The following FES variants were observed in gnomAD, a reference collection of about 807,000 sequenced individuals.
The protein encoded by FES is FES proto-oncogene, tyrosine kinase.
A neutral mutation model predicts 109.6 loss-of-function variants in FES; 83 were observed. That is an observed-to-expected ratio of 0.76 (90% CI 0.63 to 0.91). The LOEUF (loss-of-function observed/expected upper bound fraction) is 0.91, where lower values mean the gene tolerates loss of function less well. Ranked by LOEUF, FES falls within the 40% of genes least tolerant of loss-of-function variation. FES has a pLI of 0.00. For synonymous variants in FES, 458 were observed against 442.1 expected (o/e 1.04, Z -0.45); for missense variants, 943 against 1,070.9 (o/e 0.88, Z 1.67).
rs2033231474 is a variant in FES, at chr15:90,891,687, A to T, written c.1653+11A>T. The T allele has an allele frequency of 3.7e-6, 6 of 1,613,174 alleles. No homozygotes were observed. The highest frequency in any genetic ancestry group is 1.7e-5 in the Admixed American group (1 of 60,008). On this transcript the variant is annotated intron_variant, in intron 12 of 18. Coordinates refer to ENST00000328850, the MANE Select transcript of FES (RefSeq NM_002005.4). Reference sequence around the variant, plus strand: ...AGGGCTGTGCCCAAGGTGAGCCTGCACCCAGCCTGGCCCATGCCACCTGTG... The same window carrying T: ...AGGGCTGTGCCCAAGGTGAGCCTGCTCCCAGCCTGGCCCATGCCACCTGTG...
intron 2 of FES, 45 bp downstream of exon 2, chr15:90,885,303 TCTC>T: frequency 1.9e-6 from 3 of 1,601,148 alleles, no homozygotes; most frequent in South Asian, 1.1e-5. Context: ...GTATCTGCCT[TCTC>T]CTTCCTCTCC....
intron 13 of FES, 90 bp from the exon 14 acceptor site, chr15:90,892,617 C>A: frequency 1.5e-6 from 2 of 1,347,618 alleles, no homozygotes; most frequent in Non-Finnish European, 2.1e-6. Context: ...GGGGGCCCCT[C>A]ACCCAGGGGT....
rs542339387 is a variant in FES at position 90,888,926 on chromosome 15, C to T, written c.669-380C>T. On this transcript the variant is annotated intron_variant, in intron 5 of 18. Coordinates refer to ENST00000328850, the MANE Select transcript of FES (RefSeq NM_002005.4). Reference sequence around the variant, plus strand: ...CCGAGTAGCCAAGTAGCTGGGACTACAGGCATGTGCCACCATGCCTGGCTA... The same window carrying T: ...CCGAGTAGCCAAGTAGCTGGGACTATAGGCATGTGCCACCATGCCTGGCTA... Among the ~76,000 whole-genome samples, 75 of 152,218 alleles carry T rather than the reference C, an allele frequency of 4.9e-4. 1 individual carries two copies. The South Asian group carries it at 0.014, about 28-fold the overall frequency.
chr15:90,895,074 GA>G (rs999890882), intron 18 of FES, among the ~76,000 whole-genome samples: 73 of 145,314 alleles, frequency 5.0e-4, no homozygotes, highest in East Asian at 2.4e-3. Flanking sequence ...CTCAGAAAAA[GA>G]AAAAAAAAAA....
At chr15:90,887,093 G>T (rs770268813) in intron 4 of FES, 36 bp downstream of exon 4, 3 of 1,613,520 alleles carry the variant, frequency 1.9e-6, no homozygotes, top group Admixed American at 3.3e-5. Flanking sequence ...GAGGGAATCC[G>T]AAGCCAGTGC....
chr15:90,895,398 C>A lies in FES; in HGVS notation c.2327-18C>A. ...AAACTCCCTCCTCATGCCTGGTGTG[C>A]TGTGCCTCTCCTCACAGGGGGCCGT... On this transcript the variant is annotated intron_variant, in intron 18 of 18. Transcript: ENST00000328850. The A allele has an allele frequency of 6.6e-7, 1 of 1,509,450 alleles. No individual in the cohort carries two copies. The highest frequency in any genetic ancestry group is 1.3e-5 in the South Asian group (1 of 77,086). The allele number at this position is 1,509,450 out of a possible 1,614,324, so 93.5% of individuals were successfully genotyped here.
chr15:90,893,526 T>C, intron 16 of FES, 112 bp downstream of exon 16: 1 of 1,489,958 alleles, frequency 6.7e-7, no homozygotes, highest in Non-Finnish European at 8.9e-7. Flanking sequence ...AGAGGGGGAG[T>C]TGGCCTCTGT....
chr15:90,891,089 C>G lies in FES; in HGVS notation c.1428C>G (p.His476Gln). Residue 476 changes from histidine to glutamine, a missense_variant, in exon 11 of 19, where the codon CAC becomes CAG. By Grantham distance (24) the His-to-Gln change is conservative. Transcript: ENST00000328850. Reference protein sequence around the residue: ...PRAEVAELLVHSGDFLVRESQ... With the variant: ...PRAEVAELLVQSGDFLVRESQ... ...CAGAGGTGGCTGAGCTGCTGGTGCA[C>G]TCTGGGGACTTCCTGGTGCGGGAGA... 6.3e-7 allele frequency: 1 copy of G among 1,593,084 alleles called. No individual in the cohort carries two copies. The highest frequency in any genetic ancestry group is 8.5e-7 in the Non-Finnish European group (1 of 1,169,662).
intron 11 of FES, 86 bp downstream of exon 11, chr15:90,891,277 G>A (rs1449243481): frequency 6.8e-7 from 1 of 1,472,796 alleles, no homozygotes; most frequent in East Asian, 2.5e-5. Context: ...TCAGGGTAGG[G>A]GGTAGCTGCC....
chr15:90,888,881 G>A (rs572145257), intron 5 of FES, among the ~76,000 whole-genome samples: 7 of 151,986 alleles, frequency 4.6e-5, no homozygotes, highest in African/African-American at 1.4e-4. Context: ...AGGCTCAAGC[G>A]ATTCTCTTGC....
chr15:90,884,749 A>C, intron 1 of FES: 1 of 325,100 alleles, frequency 3.1e-6, no homozygotes, highest in Non-Finnish European at 5.8e-6. Flanking sequence ...GACCTGGGCA[A>C]GGGTGTCCCT....
rs28651624 is a variant in FES, at chr15:90,891,405, A to G, written c.1531-149A>G. ...TCCCCTGGTGGGGCAGCAGGATGTC[A>G]TGTGCCATCAGATGGCATCTTTTCT... On this transcript the variant is annotated intron_variant, in intron 11 of 18. Coordinates refer to ENST00000328850, the MANE Select transcript of FES (RefSeq NM_002005.4). 1.4e-3 allele frequency: 1,603 copies of G among 1,158,584 alleles called. 14 individuals are homozygous for G. In the African/African-American group the frequency reaches 0.022, roughly 16 times the overall value. The allele number at this position is 1,158,584 out of a possible 1,614,324, so 71.8% of individuals were successfully genotyped here.
At position 90,887,246 on chromosome 15, in the gene FES, C is replaced by T; in HGVS notation, c.544C>T (p.His182Tyr). ...YVRSLWKLFA[H>Y]HNRYVLGVRA... is the part of the protein sequence containing the mutation. The stretch of plus-strand genomic sequence containing the variant: ...GCGCAGCCTGTGGAAGCTCTTTGCT[C>T]ACCACAACCGCTATGTGCTGGGCGT... Residue 182 changes from histidine to tyrosine, a missense_variant, in exon 5 of 19, where the codon CAC becomes TAC. His to Tyr is a moderately conservative substitution (Grantham distance 83). Coordinates refer to ENST00000328850, the MANE Select transcript of FES (RefSeq NM_002005.4). 1 of 1,613,520 alleles carries T rather than the reference C, an allele frequency of 6.2e-7. No individual in the cohort carries two copies. The highest frequency in any genetic ancestry group is 8.5e-7 in the Non-Finnish European group (1 of 1,180,036).
intron 3 of FES, among the ~76,000 whole-genome samples, chr15:90,885,968 A>T (rs919967409): frequency 8.7e-4 from 69 of 79,632 alleles, no homozygotes; most frequent in Non-Finnish European, 1.9e-3. Context: ...TCAGGGCCCC[A>T]GAGACTGGGC....
At chr15:90,887,734 C>T (rs1005039152) in intron 5 of FES, among the ~76,000 whole-genome samples, 7 of 152,060 alleles carry the variant, frequency 4.6e-5, no homozygotes, top group African/African-American at 1.2e-4. Flanking sequence ...TGGATCGGGA[C>T]CTGGGAGCAC....
intron 1 of FES, chr15:90,884,762 A>C: frequency 2.8e-6 from 1 of 359,622 alleles, no homozygotes; most frequent in Non-Finnish European, 5.1e-6. Context: ...GTGTCCCTGT[A>C]AGGGGTGGTG....
rs1186980164 is a variant in FES, at chr15:90,891,418, T to C, written c.1531-136T>C. 6 of 1,243,548 alleles carry C rather than the reference T, an allele frequency of 4.8e-6. No homozygotes were observed. In the Admixed American group the frequency reaches 5.4e-5, roughly 11 times the overall value. The allele number at this position is 1,243,548 out of a possible 1,614,324, so 77.0% of individuals were successfully genotyped here. A position where few individuals can be genotyped will look rare whatever the true frequency, so the allele number is the denominator to read the frequency against. Reference sequence around the variant, plus strand: ...CAGCAGGATGTCATGTGCCATCAGATGGCATCTTTTCTGGAGGTCTCTCTG... The same window carrying C: ...CAGCAGGATGTCATGTGCCATCAGACGGCATCTTTTCTGGAGGTCTCTCTG... On this transcript the variant is annotated intron_variant, in intron 11 of 18. Transcript: ENST00000328850.
rs763009645 is a variant in FES at position 90,893,724 on chromosome 15, C to T, written c.2116C>T (p.Arg706Ter). ...GAAGATCAGTGACTTTGGGATGTCC[C>T]GAGAGGAAGCCGATGGGGTCTATGC... The part of the protein sequence containing the change: ...VLKISDFGMS[R>*]EEADGVYAAS... The change falls in exon 17 of 19, where the codon CGA (arginine) becomes TGA (stop). Residue 706 changes from arginine to a stop codon, truncating the protein, a stop_gained. Coordinates refer to ENST00000328850, the MANE Select transcript of FES (RefSeq NM_002005.4). LOFTEE classifies it high-confidence loss of function. The T allele has an allele frequency of 5.0e-6, 8 of 1,611,822 alleles. No homozygotes were observed. The highest frequency in any genetic ancestry group is 6.8e-6 in the Non-Finnish European group (8 of 1,179,256).
chr15:90,887,177 C>CT lies in FES; in HGVS notation c.485-8dup. The CT allele has an allele frequency of 6.2e-7, 1 of 1,612,464 alleles. No homozygotes were observed. Among genetic ancestry groups the CT allele is most frequent in the Non-Finnish European group, 8.5e-7 (1 of 1,178,890 alleles). ...GCTGTCATCTATACCCCTTGCCCCC[C>CT]TTCTGGCAGACAAGGACCGTGACAA... On this transcript the variant is annotated splice_polypyrimidine_tract_variant and intron_variant, in intron 4 of 18. Transcript: ENST00000328850.
Sources: gnomAD v4.1 joint callset for allele counts (sites outside exome capture counted in the v4.1 genomes callset) on GRCh38, gnomAD v4.1.1 for gene constraint, MANE v1.5 for transcripts, NCBI Gene and HGNC (gene_info 2026-07-23, HGNC 2026-07-21) for gene names.